Variants in MTSS1 observed in about 807,000 individuals in gnomAD.
The protein encoded by MTSS1 is MTSS I-BAR domain containing 1.
Under a neutral mutation model 79.0 loss-of-function variants are expected in MTSS1, and 18 were observed. That is an observed-to-expected ratio of 0.23 (90% CI 0.16 to 0.34). MTSS1 has a LOEUF of 0.34. Among genes scored for constraint, MTSS1 ranks in the 10% least tolerant of loss-of-function variants. MTSS1 has a pLI of 1.00. For synonymous variants in MTSS1, 341 were observed against 368.6 expected, an observed-to-expected ratio of 0.93 and a Z score of 0.86; for missense variants, 815 against 986.2, an observed-to-expected ratio of 0.83 and a Z score of 2.33.
chr8:124,637,111 C>T (rs1298381705), intron 3 of MTSS1, among the ~76,000 whole-genome samples: 3 of 152,134 alleles, frequency 2.0e-5, no homozygotes, highest in East Asian at 1.9e-4. Flanking sequence ...GATGAGGAAA[C>T]GCAGCCCTGC....
chr8:124,706,436 AT>A (rs1422501251), intron 1 of MTSS1, among the ~76,000 whole-genome samples: 1 of 152,250 alleles, frequency 6.6e-6, no homozygotes, highest in East Asian at 1.9e-4. Context: ...AGCACCATGA[AT>A]TTACAATCCA....
At chr8:124,612,912 G>A (rs1489500054) in intron 3 of MTSS1, among the ~76,000 whole-genome samples, 2 of 152,112 alleles carry the variant, frequency 1.3e-5, no homozygotes, top group Non-Finnish European at 2.9e-5. Flanking sequence ...CACTAAACAA[G>A]TGGACAAATT....
In MTSS1 at chr8:124,726,567, A is replaced by G. The variant is rs185285574; in HGVS notation, c.72+1317T>C. 1.9e-3 allele frequency among the ~76,000 whole-genome samples: 284 copies of G among 152,390 alleles called. 9 individuals carry two copies. Among genetic ancestry groups the G allele is most frequent in the Admixed American group, 0.017 (265 of 15,308 alleles). ...AAATGGACAAAACCAGGACAGAGGC[A>G]GCTTGATAAAGTTCACCCTGGGTGA... On this transcript the variant is annotated intron_variant, in intron 1 of 13. Coordinates refer to ENST00000518547, the MANE Select transcript of MTSS1 (RefSeq NM_014751.6).
chr8:124,566,522 T>C (rs1005418370), intron 8 of MTSS1, among the ~76,000 whole-genome samples: 3 of 152,194 alleles, frequency 2.0e-5, no homozygotes, highest in African/African-American at 7.2e-5. Context: ...CTTCCCATAG[T>C]GTGCGTGTGA....
intron 1 of MTSS1, among the ~76,000 whole-genome samples, chr8:124,717,610 C>T (rs1832274441): frequency 6.6e-6 from 1 of 152,158 alleles, no homozygotes; most frequent in Non-Finnish European, 1.5e-5. Context: ...AGGAGAATCA[C>T]TTGAACCTGG....
chr8:124,634,915 T>C (rs530206870), intron 3 of MTSS1, among the ~76,000 whole-genome samples: 15 of 152,348 alleles, frequency 9.8e-5, no homozygotes, highest in Admixed American at 5.2e-4. Context: ...TGCCGTTCTA[T>C]GCTGTGAGTT....
intron 3 of MTSS1, 88 bp downstream of exon 3, chr8:124,699,438 A>T: frequency 8.4e-7 from 1 of 1,190,044 alleles, no homozygotes; most frequent in Non-Finnish European, 1.2e-6. Flanking sequence ...CTGATAACTT[A>T]AGCTGCATCT....
chr8:124,614,779 G>A (rs1251545014), intron 3 of MTSS1, among the ~76,000 whole-genome samples: 3 of 152,200 alleles, frequency 2.0e-5, no homozygotes, highest in Non-Finnish European at 4.4e-5. Context: ...AAAAGGGCAG[G>A]GGGAGGAAAG....
chr8:124,632,513 A>C (rs1034395058), intron 3 of MTSS1, among the ~76,000 whole-genome samples: 5 of 152,156 alleles, frequency 3.3e-5, no homozygotes, highest in African/African-American at 2.4e-5. Context: ...AATTCAAAAA[A>C]AAATTTAAAG....
intron 3 of MTSS1, among the ~76,000 whole-genome samples, chr8:124,682,939 A>T (rs1360334554): frequency 1.3e-5 from 2 of 152,226 alleles, no homozygotes; most frequent in African/African-American, 2.4e-5. Flanking sequence ...CTGGGATCTG[A>T]ACCAGGCATA....
chr8:124,552,386 C>T lies in MTSS1; in HGVS notation c.*606G>A, dbSNP rs1475619238. On this transcript the variant is annotated 3_prime_UTR_variant, in exon 14 of 14. Coordinates refer to ENST00000518547, the MANE Select transcript of MTSS1 (RefSeq NM_014751.6). Reference sequence around the variant, plus strand: ...GGCTATGTTGACGATGTACCCCTCCCATGGCCCTCCCCCCAATCCCAACAC... The same window carrying T: ...GGCTATGTTGACGATGTACCCCTCCTATGGCCCTCCCCCCAATCCCAACAC... 2.6e-5 allele frequency: 4 copies of T among 153,862 alleles called. No homozygotes were observed. The highest frequency in any genetic ancestry group is 4.4e-5 in the Non-Finnish European group (3 of 68,926). The allele number at this position is 153,862 out of a possible 1,614,324, so 9.5% of individuals were successfully genotyped here. A position where few individuals can be genotyped will look rare whatever the true frequency, so the allele number is the denominator to read the frequency against.
At chr8:124,687,787 T>C (rs941197284) in intron 3 of MTSS1, among the ~76,000 whole-genome samples, 135 of 152,366 alleles carry the variant, frequency 8.9e-4, no homozygotes, top group African/African-American at 3.2e-3. Flanking sequence ...CCTCTGGCCA[T>C]CTTTGAGAAA....
intron 10 of MTSS1, among the ~76,000 whole-genome samples, chr8:124,560,439 G>A (rs1389733055): frequency 6.6e-6 from 1 of 152,162 alleles, no homozygotes; most frequent in African/African-American, 2.4e-5. Context: ...TTTGGGTAAT[G>A]GAAATAGAAG....
chr8:124,724,602 CAA>C (rs1833415451), intron 1 of MTSS1, among the ~76,000 whole-genome samples: 1 of 152,048 alleles, frequency 6.6e-6, no homozygotes, highest in Non-Finnish European at 1.5e-5. Context: ...TTTTTTAACC[CAA>C]GTTAATTATT....
chr8:124,698,506 CTTTTT>C (rs148481676), intron 3 of MTSS1, among the ~76,000 whole-genome samples: 1 of 124,772 alleles, frequency 8.0e-6, no homozygotes, highest in African/African-American at 3.1e-5. Flanking sequence ...TGTTGCTTTT[CTTTTT>C]TTTTTTTTTT....
intron 3 of MTSS1, among the ~76,000 whole-genome samples, chr8:124,651,417 C>G (rs77475621): frequency 0.012 from 1,867 of 152,060 alleles, 36 homozygotes; most frequent in African/African-American, 0.043. Flanking sequence ...ACTGCTCTAC[C>G]TACCTATGGC....
intron 3 of MTSS1, among the ~76,000 whole-genome samples, chr8:124,644,122 T>C (rs1818583568): frequency 6.6e-6 from 1 of 152,200 alleles, no homozygotes; most frequent in African/African-American, 2.4e-5. Flanking sequence ...GGTCATTTCC[T>C]TTAAGACCTG....
intron 3 of MTSS1, among the ~76,000 whole-genome samples, chr8:124,644,823 G>A (rs1818704090): frequency 7.7e-6 from 1 of 129,982 alleles, no homozygotes; most frequent in Admixed American, 7.2e-5. Flanking sequence ...ATCCGATTAT[G>A]ATTCAGTATA....
At chr8:124,611,339 T>G (rs532058349) in intron 3 of MTSS1, among the ~76,000 whole-genome samples, 1 of 152,208 alleles carries the variant, frequency 6.6e-6, no homozygotes, top group Non-Finnish European at 1.5e-5. Context: ...CAAGCCCCAC[T>G]GAAGGAGAAG....
Sources: allele counts gnomAD v4.1 joint callset (sites outside exome capture counted in the v4.1 genomes callset), GRCh38; gene constraint gnomAD v4.1.1; transcripts MANE v1.5; gene names NCBI Gene and HGNC (gene_info 2026-07-23, HGNC 2026-07-21).